The following CHN2 variants were observed in gnomAD, a reference collection of about 807,000 sequenced individuals.
The protein encoded by CHN2 is beta-chimaerin.
CHN2 carries 35 observed loss-of-function variants against 56.3 expected under a neutral mutation model. That is an observed-to-expected ratio of 0.62 (90% confidence interval 0.47 to 0.82). The LOEUF is 0.82. Ranked by LOEUF, CHN2 falls within the 40% of genes least tolerant of loss-of-function variation. The pLI is 0.00. For missense variants in CHN2, 491 were observed against 580.5 expected (o/e 0.85, Z 1.58); for synonymous variants, 210 against 212.8 (o/e 0.99, Z 0.12).
At chr7:29,252,430 T>C (rs546443768) in intron 1 of CHN2, among the ~76,000 whole-genome samples, 44 of 150,752 alleles carry the variant, frequency 2.9e-4, no homozygotes, top group Admixed American at 5.3e-4. Context: ...CCTCATGATC[T>C]GCCAGCTTCA....
chr7:29,475,561 A>G (rs1227288377), intron 6 of CHN2, among the ~76,000 whole-genome samples: 1 of 152,254 alleles, frequency 6.6e-6, no homozygotes, highest in Non-Finnish European at 1.5e-5. Context: ...CAAAACTTGT[A>G]TGAGGATATT....
intron 6 of CHN2, among the ~76,000 whole-genome samples, chr7:29,464,762 C>G (rs1785426401): frequency 1.3e-5 from 2 of 152,190 alleles, no homozygotes; most frequent in African/African-American, 4.8e-5. Context: ...CTCAAAGAAG[C>G]CTGCTGCATC....
At chr7:29,225,341 T>G (rs536122151) in intron 1 of CHN2, among the ~76,000 whole-genome samples, 80 of 152,250 alleles carry the variant, frequency 5.3e-4, no homozygotes, top group African/African-American at 1.9e-3. Flanking sequence ...TCTGCAAACT[T>G]TATTATAGAG....
At chr7:29,433,927 G>GAGGC (rs1403307748) in intron 6 of CHN2, among the ~76,000 whole-genome samples, 54 of 151,828 alleles carry the variant, frequency 3.6e-4, no homozygotes, top group African/African-American at 1.3e-3. Context: ...GGGAGGGAGA[G>GAGGC]AGGCAGGAAG....
intron 1 of CHN2, among the ~76,000 whole-genome samples, chr7:29,325,864 T>G (rs1795759798): frequency 6.6e-6 from 1 of 152,202 alleles, no homozygotes; most frequent in Non-Finnish European, 1.5e-5. Context: ...GTAAGAGATG[T>G]AGCTGAAAAA....
chr7:29,245,077 A>G (rs1787966710), intron 1 of CHN2, among the ~76,000 whole-genome samples: 1 of 152,184 alleles, frequency 6.6e-6, no homozygotes, highest in African/African-American at 2.4e-5. Flanking sequence ...TCTACCTGCA[A>G]TGCCTTCTGT....
chr7:29,414,467 G>A (rs776174525), intron 6 of CHN2, among the ~76,000 whole-genome samples: 63 of 151,998 alleles, frequency 4.1e-4, no homozygotes, highest in Non-Finnish European at 7.4e-4. Context: ...TCCTCACAAC[G>A]GCTCTGAGAG....
intron 1 of CHN2, among the ~76,000 whole-genome samples, chr7:29,204,388 T>C (rs1192740902): frequency 6.6e-6 from 1 of 152,212 alleles, no homozygotes; most frequent in Non-Finnish European, 1.5e-5. Flanking sequence ...TAGATATTAA[T>C]ACACATAATT....
At chr7:29,422,857 C>G (rs1409335666) in intron 6 of CHN2, among the ~76,000 whole-genome samples, 1 of 152,206 alleles carries the variant, frequency 6.6e-6, no homozygotes, top group East Asian at 1.9e-4. Flanking sequence ...TGCTGGACAT[C>G]TCTCAAACTA....
chr7:29,332,737 T>G (rs1428085520), intron 1 of CHN2, among the ~76,000 whole-genome samples: 1 of 152,094 alleles, frequency 6.6e-6, no homozygotes, highest in East Asian at 1.9e-4. Context: ...GTGAGATGAT[T>G]TTGCCCCACT....
At chr7:29,446,172 C>T (rs1784020860) in intron 6 of CHN2, among the ~76,000 whole-genome samples, 1 of 152,194 alleles carries the variant, frequency 6.6e-6, no homozygotes, top group South Asian at 2.1e-4. Flanking sequence ...AAAGACTACA[C>T]ATTAGTGTAC....
intron 12 of CHN2, among the ~76,000 whole-genome samples, chr7:29,511,096 A>G (rs1791299165): frequency 6.6e-6 from 1 of 152,212 alleles, no homozygotes; most frequent in South Asian, 2.1e-4. Flanking sequence ...AATGAACCGA[A>G]AATTGTCTAC....
intron 1 of CHN2, among the ~76,000 whole-genome samples, chr7:29,300,595 T>C (rs906676875): frequency 2.0e-5 from 3 of 152,208 alleles, no homozygotes; most frequent in Non-Finnish European, 4.4e-5. Flanking sequence ...CAAAATGATA[T>C]GGTGGGTCAA....
At chr7:29,173,592 G>T (rs1796888527) in intron 2 of CHN2, among the ~76,000 whole-genome samples, 1 of 152,112 alleles carries the variant, frequency 6.6e-6, no homozygotes, top group Non-Finnish European at 1.5e-5. Flanking sequence ...ATGAGAGGCA[G>T]GATATGAAAT....
At chr7:29,358,361 G>A (rs1798472647) in intron 2 of CHN2, among the ~76,000 whole-genome samples, 1 of 151,950 alleles carries the variant, frequency 6.6e-6, no homozygotes, top group African/African-American at 2.4e-5. Flanking sequence ...TCACACCATT[G>A]CACTCCAGAC....
chr7:29,146,892 TG>T lies in CHN2; in HGVS notation c.207del (p.Phe70LeufsTer6). On this transcript the variant is annotated frameshift_variant, in exon 2 of 7. Coordinates refer to the CHN2 transcript ENST00000439384. LOFTEE classifies it high-confidence loss of function. ...GGATTTACATTTGGAAAGCGAGTGG[TG>T]TTTGATTCCCACTGTTTAAAAAGGC... 6.4e-7 allele frequency: 1 copy of T among 1,551,238 alleles called. No homozygotes were observed. The highest frequency in any genetic ancestry group is 1.4e-5 in the African/African-American group (1 of 73,190).
chr7:29,195,595 C>T (rs1032936677), intron 1 of CHN2: 41 of 96,124 alleles, frequency 4.3e-4, no homozygotes, highest in African/African-American at 1.8e-3. Context: ...GGCACATTTA[C>T]GAGAGAGAGA....
intron 7 of CHN2, among the ~76,000 whole-genome samples, chr7:29,493,089 T>G (rs897094084): frequency 6.6e-6 from 1 of 152,234 alleles, no homozygotes; most frequent in Non-Finnish European, 1.5e-5. Flanking sequence ...AGCTTCCCTA[T>G]GTAAGTGTAC....
At chr7:29,248,074 G>A (rs1788210683) in intron 1 of CHN2, among the ~76,000 whole-genome samples, 2 of 152,208 alleles carry the variant, frequency 1.3e-5, no homozygotes, top group South Asian at 2.1e-4. Flanking sequence ...TCTGGGGCTT[G>A]GAAAGTAGGC....
Sources: allele counts gnomAD v4.1 joint callset (sites outside exome capture counted in the v4.1 genomes callset), GRCh38; gene constraint gnomAD v4.1.1; transcripts MANE v1.5; gene names NCBI Gene and HGNC (gene_info 2026-07-23, HGNC 2026-07-21).